Variants in PDE4D observed in about 807,000 individuals in gnomAD.
The protein encoded by PDE4D is 3',5'-cyclic-AMP phosphodiesterase 4D.
In PDE4D, 24 loss-of-function variants were observed where a neutral mutation model predicts 87.4. That is an observed-to-expected ratio of 0.27 (90% CI 0.20 to 0.39). The LOEUF is 0.39. PDE4D is among the 10% of genes least tolerant of loss of function. The probability of loss-of-function intolerance (pLI) is 1.00; values close to 1 mark genes in which losing one functional copy is unlikely to be tolerated. For missense variants in PDE4D, 714 were observed against 1,041.0 expected (o/e 0.69, Z 4.32); for synonymous variants, 384 against 383.2 (o/e 1.00, Z -0.02).
At chr5:59,436,579 G>A (rs1451001278) in intron 1 of PDE4D, among the ~76,000 whole-genome samples, 1 of 152,046 alleles carries the variant, frequency 6.6e-6, no homozygotes, top group Non-Finnish European at 1.5e-5. Flanking sequence ...TGTCTTCTTC[G>A]AAGTTAAAGA....
chr5:60,373,726 A>G (rs1761211929), intron 1 of PDE4D, among the ~76,000 whole-genome samples: 1 of 152,184 alleles, frequency 6.6e-6, no homozygotes, highest in African/African-American at 2.4e-5. Context: ...CCTAATCAAC[A>G]GGGCTGCATT....
intron 2 of PDE4D, among the ~76,000 whole-genome samples, chr5:60,079,084 T>C (rs1428089117): frequency 6.6e-6 from 1 of 152,194 alleles, no homozygotes; most frequent in Non-Finnish European, 1.5e-5. Flanking sequence ...TCGTTCTGAT[T>C]GGCATGAGAT....
chr5:59,742,734 T>C (rs1398211411), intron 1 of PDE4D, among the ~76,000 whole-genome samples: 4 of 152,186 alleles, frequency 2.6e-5, no homozygotes, highest in Non-Finnish European at 5.9e-5. Context: ...ATCTGGGAAT[T>C]CTGTTATCAT....
At chr5:60,128,289 T>C (rs1040802060) in intron 2 of PDE4D, among the ~76,000 whole-genome samples, 1 of 152,190 alleles carries the variant, frequency 6.6e-6, no homozygotes, top group Non-Finnish European at 1.5e-5. Flanking sequence ...GTTTTAAGGA[T>C]TACAAAAAGA....
Position 59,212,253 on chromosome 5 carries a change from T to C in PDE4D, c.647+3524A>G, listed in dbSNP as rs182364870. 4.3e-4 allele frequency among the ~76,000 whole-genome samples: 65 copies of C among 152,296 alleles called. No homozygotes were observed. The East Asian group carries it at 0.012, about 29-fold the overall frequency. On this transcript the variant is annotated intron_variant, in intron 2 of 14. Transcript: ENST00000340635. ...GCACAGTCCTTTATGGTGGAAGATA[T>C]GTGTCGTGTCAGATTAAATGTTGAA...
At chr5:59,434,721 T>C (rs557376449) in intron 1 of PDE4D, among the ~76,000 whole-genome samples, 7 of 152,110 alleles carry the variant, frequency 4.6e-5, no homozygotes, top group Admixed American at 3.3e-4. Flanking sequence ...CCTCCTCCAC[T>C]CCCTCTCCCC....
intron 1 of PDE4D, among the ~76,000 whole-genome samples, chr5:59,814,676 C>T (rs1031314706): frequency 6.6e-6 from 1 of 152,186 alleles, no homozygotes; most frequent in Non-Finnish European, 1.5e-5. Flanking sequence ...AAAATCCAGA[C>T]CTCTCGCCAC....
chr5:59,622,497 G>C (rs553325770), intron 1 of PDE4D, among the ~76,000 whole-genome samples: 9 of 152,198 alleles, frequency 5.9e-5, no homozygotes, highest in Non-Finnish European at 1.2e-4. Context: ...CTATGATCTT[G>C]ACTACCTTAA....
At chr5:59,746,928 A>G (rs1308460162) in intron 1 of PDE4D, among the ~76,000 whole-genome samples, 1 of 152,132 alleles carries the variant, frequency 6.6e-6, no homozygotes, top group Non-Finnish European at 1.5e-5. Flanking sequence ...CACATCATTA[A>G]TCTGCTCCCC....
At chr5:60,111,275 A>G (rs1188323965) in intron 2 of PDE4D, among the ~76,000 whole-genome samples, 4 of 151,986 alleles carry the variant, frequency 2.6e-5, no homozygotes, top group African/African-American at 9.7e-5. Flanking sequence ...GTACCCCATA[A>G]ATATGTACAA....
intron 1 of PDE4D, among the ~76,000 whole-genome samples, chr5:59,408,732 A>G (rs1489671371): frequency 6.6e-6 from 1 of 152,190 alleles, no homozygotes; most frequent in African/African-American, 2.4e-5. Context: ...TGTGACCTGG[A>G]TGTGGGACAT....
rs77750792 is a variant in PDE4D, at chr5:59,220,295, C to A, written c.456-4327G>T. On this transcript the variant is annotated intron_variant, in intron 1 of 14. Transcript: ENST00000340635. Reference sequence around the variant, plus strand: ...ACTTTAGAGGCACACGTGGGAGGATCGCTTCAGACCAGGAGTTCAAGGTTA... The same window carrying A: ...ACTTTAGAGGCACACGTGGGAGGATAGCTTCAGACCAGGAGTTCAAGGTTA... Among the ~76,000 whole-genome samples, 816 of 145,718 alleles carry A rather than the reference C, an allele frequency of 5.6e-3. 13 individuals are homozygous for A. The East Asian group carries it at 0.059, about 10-fold the overall frequency.
chr5:59,021,826 A>C (rs1230130815), intron 6 of PDE4D, among the ~76,000 whole-genome samples: 1 of 152,198 alleles, frequency 6.6e-6, no homozygotes, highest in East Asian at 1.9e-4. Context: ...TCCAGCATCT[A>C]ATAATAACCT....
intron 1 of PDE4D, among the ~76,000 whole-genome samples, chr5:59,534,392 T>G (rs1464263281): frequency 6.6e-6 from 1 of 152,200 alleles, no homozygotes; most frequent in African/African-American, 2.4e-5. Flanking sequence ...AAACACTATT[T>G]TGCCTGCATT....
At chr5:59,631,443 T>C (rs895171669) in intron 1 of PDE4D, among the ~76,000 whole-genome samples, 49 of 152,278 alleles carry the variant, frequency 3.2e-4, no homozygotes, top group African/African-American at 1.1e-3. Flanking sequence ...TATTTTTCAA[T>C]TGTAAGAGAA....
chr5:59,903,294 G>A (rs749931925), intron 3 of PDE4D, among the ~76,000 whole-genome samples: 3 of 151,862 alleles, frequency 2.0e-5, no homozygotes, highest in Non-Finnish European at 4.4e-5. Context: ...ATTAGGAAGC[G>A]GGGTTTGCAG....
intron 1 of PDE4D, among the ~76,000 whole-genome samples, chr5:59,668,714 G>C (rs1008318994): frequency 8.1e-6 from 1 of 123,862 alleles, no homozygotes; most frequent in African/African-American, 3.2e-5. Context: ...CCTGCCTCAA[G>C]AAAAAAAAGA....
chr5:60,103,052 T>C (rs962917837), intron 2 of PDE4D, among the ~76,000 whole-genome samples: 3 of 151,708 alleles, frequency 2.0e-5, no homozygotes, highest in South Asian at 2.1e-4. Flanking sequence ...GTTTGTGTTA[T>C]AGAAAATTCT....
intron 2 of PDE4D, among the ~76,000 whole-genome samples, chr5:59,209,647 C>A (rs776205727): frequency 5.9e-5 from 9 of 152,258 alleles, no homozygotes; most frequent in Non-Finnish European, 1.0e-4. Flanking sequence ...GTCCAAATAA[C>A]TTAATAAGGT....
Sources: allele counts gnomAD v4.1 joint callset (sites outside exome capture counted in the v4.1 genomes callset), GRCh38; gene constraint gnomAD v4.1.1; transcripts MANE v1.5; gene names NCBI Gene and HGNC (gene_info 2026-07-23, HGNC 2026-07-21).